Variants in PAPSS1 observed in about 807,000 individuals in gnomAD.
The protein encoded by PAPSS1 is bifunctional 3'-phosphoadenosine 5'-phosphosulfate synthase 1.
Under a neutral mutation model 72.0 loss-of-function variants are expected in PAPSS1, and 50 were observed. The observed-to-expected ratio is 0.69, with a 90% CI of 0.55 to 0.88. PAPSS1 has a LOEUF of 0.88. PAPSS1 is among the 40% of genes least tolerant of loss of function. The pLI is 0.00. For synonymous variants in PAPSS1, 261 were observed against 263.6 expected, an observed-to-expected ratio of 0.99 and a Z score of 0.09; for missense variants, 657 against 782.2, an observed-to-expected ratio of 0.84 and a Z score of 1.91.
chr4:107,694,299 AT>A lies in PAPSS1; in HGVS notation c.176-294del, dbSNP rs944138564. 12 of 336,536 alleles carry A rather than the reference AT, an allele frequency of 3.6e-5. No individual in the cohort carries two copies. In the Admixed American group the frequency reaches 4.1e-4, roughly 11 times the overall value. 20.8% of individuals were successfully genotyped at this position (336,536 alleles called of 1,614,324 possible). A position where few individuals can be genotyped will look rare whatever the true frequency, so the allele number is the denominator to read the frequency against. On this transcript the variant is annotated intron_variant, in intron 2 of 11. Coordinates refer to ENST00000265174, the MANE Select transcript of PAPSS1 (RefSeq NM_005443.5). ...GTCTCAAACTCCTGGCTCAAGAGAT[AT>A]AAAAAATTGCAATCACAGGATTAAA...
chr4:107,660,168 C>A, intron 5 of PAPSS1, 96 bp from the exon 6 acceptor site: 2 of 627,288 alleles, frequency 3.2e-6, no homozygotes, highest in Non-Finnish European at 5.5e-6. Context: ...AAAATAAAAC[C>A]AAAAAGTAGC....
At chr4:107,699,075 G>C (rs2125935979) in intron 2 of PAPSS1, among the ~76,000 whole-genome samples, 1 of 151,976 alleles carries the variant, frequency 6.6e-6, no homozygotes, top group Admixed American at 6.6e-5. Flanking sequence ...AATCAGATAA[G>C]CTTTATTTAT....
chr4:107,689,112 T>C (rs1430091627), intron 3 of PAPSS1, among the ~76,000 whole-genome samples: 1 of 152,228 alleles, frequency 6.6e-6, no homozygotes, highest in Non-Finnish European at 1.5e-5. Flanking sequence ...ACAGGTCTTC[T>C]GGCTTCTAAC....
intron 11 of PAPSS1, among the ~76,000 whole-genome samples, chr4:107,625,906 G>A (rs1726082960): frequency 6.6e-6 from 1 of 152,094 alleles, no homozygotes; most frequent in South Asian, 2.1e-4. Context: ...TCTGGGCCGG[G>A]CGCGGTGGCT....
At chr4:107,650,718 TC>T (rs1726816292) in intron 9 of PAPSS1, among the ~76,000 whole-genome samples, 1 of 152,176 alleles carries the variant, frequency 6.6e-6, no homozygotes, top group South Asian at 2.1e-4. Context: ...GAATAAGAAA[TC>T]TGGAGATAAA....
At chr4:107,670,342 C>T (rs760925119) in intron 5 of PAPSS1, among the ~76,000 whole-genome samples, 25 of 151,876 alleles carry the variant, frequency 1.6e-4, no homozygotes, top group Non-Finnish European at 3.2e-4. Context: ...TAATTAGGTA[C>T]AAATAAATTA....
intron 2 of PAPSS1, chr4:107,694,426 A>G (rs865874652): frequency 6.2e-6 from 1 of 160,686 alleles, no homozygotes; most frequent in African/African-American, 2.4e-5. Context: ...TTTAAACATA[A>G]TAAGTGTTTG....
intron 5 of PAPSS1, among the ~76,000 whole-genome samples, chr4:107,671,725 C>A (rs1424030764): frequency 6.6e-6 from 1 of 151,604 alleles, no homozygotes; most frequent in Non-Finnish European, 1.5e-5. Context: ...ATAGCATTTG[C>A]ATACAATCTA....
Position 107,693,912 on chromosome 4 carries a change from AT to A in PAPSS1, c.269del (p.Asn90IlefsTer36), listed in dbSNP as rs1424793436. 1 of 1,613,794 alleles carries A rather than the reference AT, an allele frequency of 6.2e-7. No homozygotes were observed. Among genetic ancestry groups the A allele is most frequent in the Admixed American group, 1.7e-5 (1 of 59,960 alleles). ...GIPCYTLDGD[N>X]IRQGLNKNLG... ...GATTTTTATTGAGACCTTGACGAAT[AT>A]TGTCACCATCCAGAGTGTAGCATGG... On this transcript the variant is annotated frameshift_variant, in exon 3 of 12. Transcript: ENST00000265174. LOFTEE classifies it high-confidence loss of function.
intron 5 of PAPSS1, among the ~76,000 whole-genome samples, chr4:107,677,734 C>T (rs1727693234): frequency 1.3e-5 from 2 of 152,212 alleles, no homozygotes; most frequent in Admixed American, 1.3e-4. Context: ...GACACATGTA[C>T]ACGTATGTTT....
chr4:107,692,635 G>A (rs1460319007), intron 3 of PAPSS1, among the ~76,000 whole-genome samples: 1 of 152,122 alleles, frequency 6.6e-6, no homozygotes, highest in Non-Finnish European at 1.5e-5. Flanking sequence ...CCAGTACTGA[G>A]TATATACCCA....
intron 3 of PAPSS1, among the ~76,000 whole-genome samples, chr4:107,691,702 T>C (rs1026564066): frequency 6.6e-6 from 1 of 152,190 alleles, no homozygotes; most frequent in Non-Finnish European, 1.5e-5. Context: ...GTGTGTGACC[T>C]TGGGCAATGC....
intron 5 of PAPSS1, among the ~76,000 whole-genome samples, chr4:107,667,264 G>A (rs74570808): frequency 2.2e-4 from 33 of 152,244 alleles, no homozygotes; most frequent in Non-Finnish European, 3.2e-4. Flanking sequence ...GAGAAAGCAC[G>A]GAAGCTCTGC....
In PAPSS1 at chr4:107,631,761, G is replaced by T; in HGVS notation, c.1606C>A (p.Leu536Ile). Residue 536 changes from leucine to isoleucine, a missense_variant, in exon 11 of 12, where the codon CTT becomes ATT. Leu to Ile is a conservative substitution (Grantham distance 5). Coordinates refer to ENST00000265174, the MANE Select transcript of PAPSS1 (RefSeq NM_005443.5). ...GMPHPETGKD[L>I]YEPSHGAKVL... ...TTGGCACCATGACTTGGCTCATAAA[G>T]ATCCTTCCCTGTTTCTGGATGAGGC... 6.2e-7 allele frequency: 1 copy of T among 1,614,094 alleles called. No homozygotes were observed. Among genetic ancestry groups the T allele is most frequent in the Non-Finnish European group, 8.5e-7 (1 of 1,179,978 alleles).
At chr4:107,701,932 G>A (rs766233119) in intron 1 of PAPSS1, among the ~76,000 whole-genome samples, 3 of 149,044 alleles carry the variant, frequency 2.0e-5, no homozygotes, top group Admixed American at 6.7e-5. Flanking sequence ...AATGAAAAAA[G>A]TGGAATGTAC....
intron 5 of PAPSS1, among the ~76,000 whole-genome samples, chr4:107,678,842 CT>C (rs746325514): frequency 5.9e-5 from 9 of 152,082 alleles, no homozygotes; most frequent in Non-Finnish European, 1.3e-4. Context: ...CCACAAAAGC[CT>C]TAAGCTAATG....
intron 11 of PAPSS1, among the ~76,000 whole-genome samples, chr4:107,627,718 CT>C (rs972891003): frequency 2.6e-5 from 4 of 152,030 alleles, no homozygotes; most frequent in African/African-American, 9.7e-5. Context: ...ACTACAATTT[CT>C]TTTTATTCTT....
intron 9 of PAPSS1, among the ~76,000 whole-genome samples, chr4:107,646,152 T>C (rs1380599108): frequency 6.6e-6 from 1 of 152,126 alleles, no homozygotes; most frequent in Non-Finnish European, 1.5e-5. Flanking sequence ...TATACAAGCA[T>C]TTAAAATTAT....
chr4:107,703,154 T>C (rs917882095), intron 1 of PAPSS1, among the ~76,000 whole-genome samples: 1 of 152,242 alleles, frequency 6.6e-6, no homozygotes, highest in African/African-American at 2.4e-5. Flanking sequence ...TGGCTATTTG[T>C]CTATCTTCCT....
Sources: gnomAD v4.1 joint callset for allele counts (sites outside exome capture counted in the v4.1 genomes callset) on GRCh38, gnomAD v4.1.1 for gene constraint, MANE v1.5 for transcripts, NCBI Gene and HGNC (gene_info 2026-07-23, HGNC 2026-07-21) for gene names.